The following CCNJL variants were observed in gnomAD, a reference collection of about 807,000 sequenced individuals.
CCNJL encodes cyclin J like.
A neutral mutation model predicts 33.4 loss-of-function variants in CCNJL; 33 were observed. The observed-to-expected ratio is 0.99, with a 90% confidence interval of 0.75 to 1.32. The LOEUF (loss-of-function observed/expected upper bound fraction) is 1.32, where lower values mean the gene tolerates loss of function less well. Ranked by LOEUF, CCNJL falls within the 40% of genes most tolerant of loss-of-function variation. The pLI, the probability that CCNJL is intolerant of heterozygous loss-of-function variation, is 0.00. For synonymous variants in CCNJL, 227 were observed against 220.9 expected, an observed-to-expected ratio of 1.03 and a Z score of -0.24; for missense variants, 512 against 499.7, an observed-to-expected ratio of 1.02 and a Z score of -0.23.
chr5:160,269,480 C>A (rs774558094), intron 3 of CCNJL: 1 of 456,452 alleles, frequency 2.2e-6, no homozygotes, highest in South Asian at 1.5e-5. Context: ...TGCCTCTGGC[C>A]CAGGTCTGAC....
At chr5:160,273,868 C>T (rs1054862848) in intron 3 of CCNJL, among the ~76,000 whole-genome samples, 3 of 151,794 alleles carry the variant, frequency 2.0e-5, no homozygotes, top group East Asian at 2.0e-4. Flanking sequence ...AGGCTGGTCT[C>T]GAACTTCTGA....
chr5:160,287,149 C>T lies in CCNJL; in HGVS notation c.67-6411G>A, dbSNP rs889079. Among the ~76,000 whole-genome samples the T allele has an allele frequency of 3.9e-3, 588 of 152,228 alleles. 6 individuals are homozygous for T. Among genetic ancestry groups the T allele is most frequent in the African/African-American group, 0.013 (560 of 41,536 alleles). ...GGGCATGTGAACTGACCCTCAGTGTCCCTATCTGAGAAATGGGGGTCACGC... is the reference window on the plus strand; with the variant it reads ...GGGCATGTGAACTGACCCTCAGTGTTCCTATCTGAGAAATGGGGGTCACGC... On this transcript the variant is annotated intron_variant, in intron 2 of 5. Coordinates refer to ENST00000257536, the MANE Select transcript of CCNJL (RefSeq NM_001308173.3).
At chr5:160,335,110 G>A (rs1473825861) in intron 1 of CCNJL, among the ~76,000 whole-genome samples, 2 of 152,086 alleles carry the variant, frequency 1.3e-5, no homozygotes, top group African/African-American at 2.4e-5. Flanking sequence ...TAAAAATACA[G>A]CAATTAGTCA....
intron 3 of CCNJL, among the ~76,000 whole-genome samples, chr5:160,277,411 C>A (rs2113336674): frequency 6.6e-6 from 1 of 152,212 alleles, no homozygotes; most frequent in Admixed American, 6.5e-5. Context: ...TTTAATTAAA[C>A]AACAGGAAGA....
At chr5:160,269,317 G>A (rs1761734595) in intron 3 of CCNJL, 1 of 433,510 alleles carries the variant, frequency 2.3e-6, no homozygotes, top group Non-Finnish European at 4.6e-6. Flanking sequence ...CCTGCGGGGT[G>A]GGGGCCATTT....
At chr5:160,297,815 G>A (rs1197142290) in intron 2 of CCNJL, among the ~76,000 whole-genome samples, 23 of 152,192 alleles carry the variant, frequency 1.5e-4, no homozygotes, top group Admixed American at 1.5e-3. Context: ...TGCATATTAT[G>A]CTTGCAACTC....
chr5:160,256,217 AAC>A (rs1247638683), intron 4 of CCNJL, among the ~76,000 whole-genome samples: 38 of 152,164 alleles, frequency 2.5e-4, no homozygotes, highest in African/African-American at 8.4e-4. Flanking sequence ...AGCAGCCTAG[AAC>A]AGTGTTTTCA....
chr5:160,324,004 T>C (rs768844092), intron 1 of CCNJL, among the ~76,000 whole-genome samples: 22 of 152,188 alleles, frequency 1.4e-4, no homozygotes, highest in Non-Finnish European at 2.8e-4. Flanking sequence ...GGGCTGGAGC[T>C]ACACCCTCAG....
intron 2 of CCNJL, among the ~76,000 whole-genome samples, chr5:160,299,879 A>G (rs887653037): frequency 2.0e-5 from 3 of 151,444 alleles, no homozygotes; most frequent in African/African-American, 4.9e-5. Context: ...TCCATTGCAC[A>G]CCAACGCTGT....
intron 3 of CCNJL, among the ~76,000 whole-genome samples, chr5:160,267,252 G>A (rs763403311): frequency 6.6e-6 from 1 of 152,158 alleles, no homozygotes; most frequent in East Asian, 1.9e-4. Flanking sequence ...AACTGTGCTT[G>A]CTGTGCCCTT....
chr5:160,339,570 CAG>C (rs1472141608), exon 1 of CCNJL: 2 of 435,844 alleles, frequency 4.6e-6, no homozygotes, highest in African/African-American at 4.1e-5. Flanking sequence ...AGTGCTGACA[CAG>C]AAAGTGTTTT....
rs753979128 is a variant in CCNJL, at chr5:160,311,934, G to T, written c.-11C>A. 6.2e-7 allele frequency: 1 copy of T among 1,613,810 alleles called. No individual in the cohort carries two copies. The highest frequency in any genetic ancestry group is 1.3e-5 in the African/African-American group (1 of 74,934). ...CGGCTCATCCATCATCGCGTACGCAGCGCCGCTATCCGAGGCTACCCGGCT... is the reference window on the plus strand; with the variant it reads ...CGGCTCATCCATCATCGCGTACGCATCGCCGCTATCCGAGGCTACCCGGCT... On this transcript the variant is annotated 5_prime_UTR_variant, in exon 2 of 6. It adds an upstream start codon to the 5' untranslated region. Coordinates refer to ENST00000257536, the MANE Select transcript of CCNJL (RefSeq NM_001308173.3).
chr5:160,322,948 C>T (rs1469751153), intron 1 of CCNJL, among the ~76,000 whole-genome samples: 1 of 147,832 alleles, frequency 6.8e-6, no homozygotes, highest in African/African-American at 2.5e-5. Flanking sequence ...AAAAATGTCC[C>T]TCAAGGCCAG....
intron 2 of CCNJL, among the ~76,000 whole-genome samples, chr5:160,295,379 C>T (rs1160101936): frequency 1.3e-5 from 2 of 152,140 alleles, no homozygotes; most frequent in Admixed American, 1.3e-4. Context: ...GTCCCAGCTA[C>T]TCGGGAGGCT....
intron 2 of CCNJL, among the ~76,000 whole-genome samples, chr5:160,299,141 G>A (rs545804578): frequency 6.7e-6 from 1 of 149,904 alleles, no homozygotes; most frequent in African/African-American, 2.5e-5. Flanking sequence ...ACCATGCCTA[G>A]CTAATTTAAA....
rs7714171 is a variant in CCNJL, at chr5:160,338,916, G to C, written n.206+529C>G. Among the ~76,000 whole-genome samples the C allele has an allele frequency of 2.2e-3, 342 of 152,090 alleles. 1 individual carries two copies. Among genetic ancestry groups the C allele is most frequent in the African/African-American group, 7.1e-3 (296 of 41,496 alleles). On this transcript the variant is annotated intron_variant and non_coding_transcript_variant, in intron 1 of 7. Coordinates refer to the CCNJL transcript ENST00000377503. The stretch of plus-strand genomic sequence containing the variant: ...AGCGATTCTCCTGCCTCAGCCTCCT[G>C]AGCAGCTGGGATTATAGGCACCTGC...
At position 160,330,460 on chromosome 5, in the gene CCNJL, G is replaced by T. The variant is rs373541024; in HGVS notation, n.206+8985C>A. Among the ~76,000 whole-genome samples, 13 of 152,222 alleles carry T rather than the reference G, an allele frequency of 8.5e-5. No homozygotes were observed. In the East Asian group the frequency reaches 2.5e-3, roughly 29 times the overall value. ...ACTTCCTGCCGCCTCCGCACCATGG[G>T]CCTAAAGGTGTCGTGGGCTCCTCTC... On this transcript the variant is annotated intron_variant and non_coding_transcript_variant, in intron 1 of 7. Coordinates refer to the CCNJL transcript ENST00000377503.
At chr5:160,329,326 G>A (rs1437145402) in intron 1 of CCNJL, among the ~76,000 whole-genome samples, 1 of 151,414 alleles carries the variant, frequency 6.6e-6, no homozygotes, top group Non-Finnish European at 1.5e-5. Context: ...TCATCAACCT[G>A]AGCCAGTATG....
At chr5:160,265,037 C>A (rs1761513920) in intron 3 of CCNJL, among the ~76,000 whole-genome samples, 1 of 152,112 alleles carries the variant, frequency 6.6e-6, no homozygotes, top group African/African-American at 2.4e-5. Flanking sequence ...TTAAAAAAGC[C>A]CGAAAACTTA....
Sources: gnomAD v4.1 joint callset for allele counts (sites outside exome capture counted in the v4.1 genomes callset) on GRCh38, gnomAD v4.1.1 for gene constraint, MANE v1.5 for transcripts, NCBI Gene and HGNC (gene_info 2026-07-23, HGNC 2026-07-21) for gene names.